The following R3HDM1 variants were observed in gnomAD, a reference collection of about 807,000 sequenced individuals.
The protein encoded by R3HDM1 is R3H domain-containing protein 1.
In R3HDM1, 46 loss-of-function variants were observed where a neutral mutation model predicts 141.1. That is an observed-to-expected ratio of 0.33 (90% confidence interval 0.26 to 0.42). The LOEUF is 0.42. Among genes scored for constraint, R3HDM1 ranks in the 10% least tolerant of loss-of-function variants. The pLI is 1.00. For synonymous variants in R3HDM1, 435 were observed against 472.9 expected (o/e 0.92, Z 1.04); for missense variants, 1,184 against 1,368.3 (o/e 0.87, Z 2.12).
At chr2:135,589,018 T>C (rs907411116) in intron 1 of R3HDM1, among the ~76,000 whole-genome samples, 3 of 152,206 alleles carry the variant, frequency 2.0e-5, no homozygotes, top group African/African-American at 4.8e-5. Flanking sequence ...TTGTATTTTG[T>C]ATCTGAGTAT....
chr2:135,626,205 G>GTGTGTGTTTGCT (rs769901090), intron 7 of R3HDM1, among the ~76,000 whole-genome samples: 6 of 116,138 alleles, frequency 5.2e-5, no homozygotes, highest in African/African-American at 2.6e-4. Flanking sequence ...GCGTGCGTGC[G>GTGTGTGTTTGCT]TGCGTGCTTG....
intron 7 of R3HDM1, among the ~76,000 whole-genome samples, chr2:135,629,870 G>A (rs980407875): frequency 6.6e-6 from 1 of 152,108 alleles, no homozygotes; most frequent in East Asian, 1.9e-4. Context: ...TGTTATGCAT[G>A]TTTCATGTAG....
At chr2:135,628,831 G>A (rs961578448) in intron 7 of R3HDM1, among the ~76,000 whole-genome samples, 7 of 151,948 alleles carry the variant, frequency 4.6e-5, no homozygotes, top group African/African-American at 9.7e-5. Context: ...TCTCCGTGTT[G>A]GTCAGGCTGC....
At chr2:135,548,306 T>C (rs1699159082) in intron 1 of R3HDM1, among the ~76,000 whole-genome samples, 1 of 152,230 alleles carries the variant, frequency 6.6e-6, no homozygotes. Flanking sequence ...TCTGCCATAT[T>C]AATCCATGTT....
At chr2:135,666,831 G>A (rs2067575879) in intron 19 of R3HDM1, among the ~76,000 whole-genome samples, 2 of 151,270 alleles carry the variant, frequency 1.3e-5, no homozygotes, top group Non-Finnish European at 2.9e-5. Flanking sequence ...ACAGACAGAA[G>A]CCCAAGATTA....
intron 19 of R3HDM1, among the ~76,000 whole-genome samples, chr2:135,670,875 A>G (rs969007133): frequency 1.9e-4 from 29 of 152,020 alleles, no homozygotes; most frequent in Non-Finnish European, 4.0e-4. Flanking sequence ...CCTGGGCAAC[A>G]TGGCGAAACC....
chr2:135,563,835 G>T (rs1214105380), intron 1 of R3HDM1, among the ~76,000 whole-genome samples: 1 of 152,114 alleles, frequency 6.6e-6, no homozygotes, highest in Non-Finnish European at 1.5e-5. Flanking sequence ...AAAGAAAAGT[G>T]GTTTGTTTAG....
intron 1 of R3HDM1, among the ~76,000 whole-genome samples, chr2:135,580,587 A>ACCCTT (rs1299074600): frequency 2.0e-5 from 3 of 152,192 alleles, no homozygotes; most frequent in African/African-American, 7.2e-5. Context: ...TTTAAGTGAA[A>ACCCTT]AATCTGTACA....
Position 135,652,188 on chromosome 2 carries a change from G to A in R3HDM1, c.2028+156G>A, listed in dbSNP as rs570710010. Reference sequence around the variant, plus strand: ...TCTTTCCGCCTCTGGAGATTTTCACGCACATGCTAAGCAACCATATGACAG... The same window carrying A: ...TCTTTCCGCCTCTGGAGATTTTCACACACATGCTAAGCAACCATATGACAG... On this transcript the variant is annotated intron_variant, in intron 18 of 26. Coordinates refer to ENST00000683871, the MANE Select transcript of R3HDM1 (RefSeq NM_001378107.1). Among the ~76,000 whole-genome samples the A allele has an allele frequency of 4.6e-5, 7 of 152,310 alleles. 1 individual carries two copies. The highest frequency in any genetic ancestry group is 2.1e-4 in the South Asian group (1 of 4,830).
At chr2:135,670,973 C>T (rs530721852) in intron 19 of R3HDM1, among the ~76,000 whole-genome samples, 1 of 151,894 alleles carries the variant, frequency 6.6e-6, no homozygotes, top group African/African-American at 2.4e-5. Flanking sequence ...ACAGGAGAGT[C>T]GTTTGACCCA....
chr2:135,633,224 A>G (rs140581454), intron 9 of R3HDM1, among the ~76,000 whole-genome samples: 1,980 of 152,264 alleles, frequency 0.013, 36 homozygotes, highest in African/African-American at 0.044. Flanking sequence ...GTCTTTTTCC[A>G]GTCAGTTATA....
chr2:135,566,145 A>G (rs1702740986), intron 1 of R3HDM1, among the ~76,000 whole-genome samples: 1 of 152,182 alleles, frequency 6.6e-6, no homozygotes, highest in African/African-American at 2.4e-5. Flanking sequence ...AACTTATTAA[A>G]ATAACTTATG....
intron 23 of R3HDM1, among the ~76,000 whole-genome samples, chr2:135,712,574 G>A (rs1381527013): frequency 6.6e-6 from 1 of 151,720 alleles, no homozygotes; most frequent in Non-Finnish European, 1.5e-5. Flanking sequence ...ACCCAGCCAG[G>A]TTTTAACTTT....
chr2:135,716,412 C>T (rs1304658889), intron 24 of R3HDM1, among the ~76,000 whole-genome samples: 21 of 152,200 alleles, frequency 1.4e-4, no homozygotes, highest in Admixed American at 1.4e-3. Context: ...TCCTCACCCT[C>T]ACTAACCCTT....
At chr2:135,680,699 G>A (rs2070135338) in intron 21 of R3HDM1, among the ~76,000 whole-genome samples, 1 of 152,202 alleles carries the variant, frequency 6.6e-6, no homozygotes, top group South Asian at 2.1e-4. Context: ...GAACCCGGGA[G>A]GCAGAGGTTG....
At chr2:135,603,387 C>T (rs971766278) in intron 2 of R3HDM1, among the ~76,000 whole-genome samples, 5 of 152,038 alleles carry the variant, frequency 3.3e-5, no homozygotes, top group African/African-American at 7.2e-5. Context: ...GTTTCCCCCC[C>T]GCCACAAGAT....
chr2:135,584,135 C>G (rs1707361217), intron 1 of R3HDM1: 1 of 800,354 alleles, frequency 1.2e-6, no homozygotes, highest in African/African-American at 1.9e-5. Flanking sequence ...CAAGACCAGC[C>G]TGGCCAACAT....
At chr2:135,562,764 C>T (rs1394911081) in intron 1 of R3HDM1, among the ~76,000 whole-genome samples, 2 of 152,214 alleles carry the variant, frequency 1.3e-5, no homozygotes, top group Non-Finnish European at 2.9e-5. Context: ...TTAAAGCCAA[C>T]TATGCTAAGT....
At chr2:135,676,712 G>A (rs957059023) in intron 20 of R3HDM1, among the ~76,000 whole-genome samples, 1 of 152,200 alleles carries the variant, frequency 6.6e-6, no homozygotes, top group Non-Finnish European at 1.5e-5. Flanking sequence ...TCAGAAGGCT[G>A]AGGCAGGAGA....
Sources: allele counts gnomAD v4.1 joint callset (sites outside exome capture counted in the v4.1 genomes callset), GRCh38; gene constraint gnomAD v4.1.1; transcripts MANE v1.5; gene names NCBI Gene and HGNC (gene_info 2026-07-23, HGNC 2026-07-21).